UTRN: variants seen among roughly 807,000 people sequenced by gnomAD.
UTRN encodes the protein utrophin, also known as dystrophin-related protein 1.
A neutral mutation model predicts 463.9 loss-of-function variants in UTRN; 283 were observed. That is an observed-to-expected ratio of 0.61 (90% confidence interval 0.55 to 0.67). The LOEUF is 0.67. Among genes scored for constraint, UTRN ranks in the 30% least tolerant of loss-of-function variants. The pLI, the probability that UTRN is intolerant of heterozygous loss-of-function variation, is 0.00. For missense variants in UTRN, 3,922 were observed against 4,084.3 expected, an observed-to-expected ratio of 0.96 and a Z score of 1.08; for synonymous variants, 1,442 against 1,431.5, an observed-to-expected ratio of 1.01 and a Z score of -0.17.
At chr6:144,705,497 G>C (rs536627509) in intron 53 of UTRN, among the ~76,000 whole-genome samples, 62 of 152,278 alleles carry the variant, frequency 4.1e-4, no homozygotes, top group Non-Finnish European at 6.2e-4. Flanking sequence ...CCACTGTCTG[G>C]TTCATGGATG....
At chr6:144,713,480 G>T (rs1326378745) in intron 53 of UTRN, among the ~76,000 whole-genome samples, 5 of 151,312 alleles carry the variant, frequency 3.3e-5, no homozygotes, top group Non-Finnish European at 7.4e-5. Flanking sequence ...TGGGTGTGGT[G>T]GTGTATACCT....
intron 9 of UTRN, among the ~76,000 whole-genome samples, chr6:144,433,409 G>A (rs1305509001): frequency 2.0e-5 from 3 of 149,284 alleles, no homozygotes; most frequent in African/African-American, 5.0e-5. Flanking sequence ...GGGCGGAGAC[G>A]CTCCTCACTT....
intron 69 of UTRN, among the ~76,000 whole-genome samples, chr6:144,830,218 T>G (rs562036651): frequency 6.6e-6 from 1 of 152,268 alleles, no homozygotes; most frequent in African/African-American, 2.4e-5. Flanking sequence ...ATTTTCAGAT[T>G]TAGCACTGTT....
chr6:144,347,702 C>T (rs1777703569), intron 2 of UTRN, among the ~76,000 whole-genome samples: 1 of 151,918 alleles, frequency 6.6e-6, no homozygotes, highest in Non-Finnish European at 1.5e-5. Flanking sequence ...GCAGTGGTGT[C>T]CTTATGAGGC....
intron 2 of UTRN, among the ~76,000 whole-genome samples, chr6:144,371,367 A>G (rs766736337): frequency 9.8e-5 from 15 of 152,302 alleles, no homozygotes; most frequent in Non-Finnish European, 1.8e-4. Context: ...CTAATTCTAC[A>G]GACATACTAA....
intron 51 of UTRN, among the ~76,000 whole-genome samples, chr6:144,594,561 A>G (rs972829374): frequency 6.6e-6 from 1 of 152,220 alleles, no homozygotes; most frequent in African/African-American, 2.4e-5. Flanking sequence ...AAAAATTAGT[A>G]CAGTAAAGCA....
At chr6:144,771,010 G>A (rs2128732586) in intron 58 of UTRN, among the ~76,000 whole-genome samples, 1 of 152,286 alleles carries the variant, frequency 6.6e-6, no homozygotes, top group Non-Finnish European at 1.5e-5. Context: ...TTGGAAATAT[G>A]ACGAGACTTT....
intron 14 of UTRN, among the ~76,000 whole-genome samples, chr6:144,445,897 G>A (rs1481588549): frequency 1.3e-5 from 2 of 151,942 alleles, no homozygotes; most frequent in Admixed American, 1.3e-4. Context: ...CCTGCAGTGG[G>A]CACCTGTAAT....
chr6:144,366,923 C>G (rs1247468961), intron 2 of UTRN, among the ~76,000 whole-genome samples: 3 of 152,032 alleles, frequency 2.0e-5, no homozygotes, highest in Non-Finnish European at 4.4e-5. Context: ...TATTTTTTGA[C>G]TTTTTGATAA....
chr6:144,533,687 T>G (rs1216554759), intron 43 of UTRN, among the ~76,000 whole-genome samples: 1 of 151,384 alleles, frequency 6.6e-6, no homozygotes, highest in Non-Finnish European at 1.5e-5. Context: ...GTTCTATTCA[T>G]GCTTTGCCAA....
At chr6:144,420,406 G>A (rs1482421445) in intron 3 of UTRN, among the ~76,000 whole-genome samples, 1 of 152,128 alleles carries the variant, frequency 6.6e-6, no homozygotes, top group Non-Finnish European at 1.5e-5. Context: ...GTAGTTAAAG[G>A]TCAAACTGGA....
intron 3 of UTRN, among the ~76,000 whole-genome samples, chr6:144,413,540 C>T (rs1392348951): frequency 2.0e-5 from 3 of 152,052 alleles, no homozygotes; most frequent in African/African-American, 7.2e-5. Context: ...CAGGAAAGAC[C>T]CACCCCCATG....
intron 7 of UTRN, 88 bp from the exon 8 acceptor site, chr6:144,428,690 C>A: frequency 7.4e-6 from 5 of 671,290 alleles, no homozygotes; most frequent in South Asian, 3.2e-5. Context: ...TAAAAATAAT[C>A]TAAAACTAAA....
chr6:144,405,470 T>C (rs1783307565), intron 3 of UTRN, among the ~76,000 whole-genome samples: 1 of 152,076 alleles, frequency 6.6e-6, no homozygotes, highest in Admixed American at 6.6e-5. Flanking sequence ...TACTAGGTAA[T>C]GCGAGGATAG....
At chr6:144,533,456 T>G (rs923546351) in intron 43 of UTRN, among the ~76,000 whole-genome samples, 196 bp downstream of exon 43, 2 of 152,202 alleles carry the variant, frequency 1.3e-5, no homozygotes, top group African/African-American at 2.4e-5. Context: ...TCTACTCAAA[T>G]GCTACATATG....
At chr6:144,595,996 T>C (rs6918394) in intron 51 of UTRN, among the ~76,000 whole-genome samples, 24,457 of 152,202 alleles carry the variant, frequency 0.16, 2,173 homozygotes, top group South Asian at 0.28. Context: ...ACATTTGCTC[T>C]ATTTTGAAGT....
At chr6:144,478,305 G>A (rs948941551) in intron 25 of UTRN, among the ~76,000 whole-genome samples, 1 of 152,120 alleles carries the variant, frequency 6.6e-6, no homozygotes, top group Admixed American at 6.6e-5. Context: ...GCTTATGGTA[G>A]TGTCTTTATT....
intron 51 of UTRN, among the ~76,000 whole-genome samples, chr6:144,635,535 C>CTTTTTT (rs1219903798): frequency 7.8e-4 from 26 of 33,186 alleles, no homozygotes; most frequent in African/African-American, 1.3e-3. Context: ...TTTTTCTTTT[C>CTTTTTT]TTTTTTTTTT....
chr6:144,711,802 T>C (rs1785746023), intron 53 of UTRN, among the ~76,000 whole-genome samples: 1 of 152,250 alleles, frequency 6.6e-6, no homozygotes, highest in South Asian at 2.1e-4. Context: ...CTCTGGCCTT[T>C]GCTTAACCCA....
Sources: allele counts gnomAD v4.1 joint callset (sites outside exome capture counted in the v4.1 genomes callset), GRCh38; gene constraint gnomAD v4.1.1; transcripts MANE v1.5; gene names NCBI Gene and HGNC (gene_info 2026-07-23, HGNC 2026-07-21).